The following SH3GL2 variants were observed in gnomAD, a reference collection of about 807,000 sequenced individuals.
SH3GL2 encodes SH3 domain containing GRB2 like 2, endophilin A1.
A neutral mutation model predicts 46.0 loss-of-function variants in SH3GL2; 24 were observed. That is an observed-to-expected ratio of 0.52 (90% CI 0.38 to 0.73). The LOEUF (loss-of-function observed/expected upper bound fraction) is 0.73. Ranked by LOEUF, SH3GL2 falls within the 30% of genes least tolerant of loss-of-function variation. SH3GL2 has a pLI of 0.00. For synonymous variants in SH3GL2, 196 were observed against 147.1 expected (o/e 1.33, Z -2.40); for missense variants, 413 against 424.2 (o/e 0.97, Z 0.23).
chr9:17,637,262 TTAAG>T (rs1339796976), intron 1 of SH3GL2, among the ~76,000 whole-genome samples: 16 of 152,294 alleles, frequency 1.1e-4, no homozygotes, highest in African/African-American at 3.8e-4. Flanking sequence ...ATGAAGCTTA[TTAAG>T]TGAGTAAAGG....
intron 1 of SH3GL2, among the ~76,000 whole-genome samples, chr9:17,613,463 A>G (rs1216562354): frequency 1.3e-5 from 2 of 152,198 alleles, no homozygotes; most frequent in Admixed American, 6.5e-5. Context: ...AAGAAATCAC[A>G]TATTGTCCCT....
chr9:17,619,689 A>AAAT (rs1355856422), intron 1 of SH3GL2, among the ~76,000 whole-genome samples: 102 of 149,022 alleles, frequency 6.8e-4, no homozygotes, highest in African/African-American at 2.4e-3. Flanking sequence ...AAAAAAAAAT[A>AAAT]AAATAAAATA....
intron 2 of SH3GL2, among the ~76,000 whole-genome samples, chr9:17,760,585 C>A (rs1156741569): frequency 6.6e-6 from 1 of 152,032 alleles, no homozygotes; most frequent in Non-Finnish European, 1.5e-5. Context: ...AAAATTTCTC[C>A]AGTGGACTTA....
chr9:17,766,397 G>T (rs1823319238), intron 3 of SH3GL2, among the ~76,000 whole-genome samples: 1 of 152,192 alleles, frequency 6.6e-6, no homozygotes, highest in African/African-American at 2.4e-5. Flanking sequence ...CCATTCTACT[G>T]GTTGTAAGTG....
chr9:17,582,331 G>T (rs1047309032), intron 1 of SH3GL2, among the ~76,000 whole-genome samples: 1 of 152,078 alleles, frequency 6.6e-6, no homozygotes, highest in Non-Finnish European at 1.5e-5. Flanking sequence ...TGCTCATAAA[G>T]ATATAATTTA....
chr9:17,646,412 CT>C (rs1381962829), intron 1 of SH3GL2, among the ~76,000 whole-genome samples: 1 of 152,014 alleles, frequency 6.6e-6, no homozygotes, highest in East Asian at 1.9e-4. Context: ...AGTTTTGCTC[CT>C]TTGCTGGCAA....
chr9:17,632,571 A>G (rs1819456452), intron 1 of SH3GL2, among the ~76,000 whole-genome samples: 1 of 152,122 alleles, frequency 6.6e-6, no homozygotes, highest in South Asian at 2.1e-4. Flanking sequence ...TAGGGAACAT[A>G]TTTTTGCCTA....
chr9:17,639,250 A>G (rs1049081220), intron 1 of SH3GL2, among the ~76,000 whole-genome samples: 6 of 152,258 alleles, frequency 3.9e-5, no homozygotes, highest in African/African-American at 1.2e-4. Flanking sequence ...TTTGGAAGAT[A>G]GATCTGGGGG....
chr9:17,757,754 G>A (rs1823041022), intron 2 of SH3GL2, among the ~76,000 whole-genome samples: 2 of 152,176 alleles, frequency 1.3e-5, no homozygotes, highest in Admixed American at 1.3e-4. Context: ...GAGCTTATGG[G>A]AATTGCTAGT....
chr9:17,767,926 A>C (rs993107698), intron 3 of SH3GL2, among the ~76,000 whole-genome samples: 1 of 152,190 alleles, frequency 6.6e-6, no homozygotes, highest in Non-Finnish European at 1.5e-5. Context: ...CTACTTCTAC[A>C]TCTTTGGGGA....
chr9:17,776,695 T>C (rs7044550), intron 3 of SH3GL2, among the ~76,000 whole-genome samples: 25,965 of 150,352 alleles, frequency 0.17, 2,550 homozygotes, highest in Middle Eastern at 0.26. Flanking sequence ...CCAAGAAGTA[T>C]GATAATACTT....
chr9:17,718,167 C>T (rs1821806413), intron 1 of SH3GL2, among the ~76,000 whole-genome samples: 1 of 152,076 alleles, frequency 6.6e-6, no homozygotes, highest in Non-Finnish European at 1.5e-5. Flanking sequence ...ATTTACCATA[C>T]AGAGAAATAG....
At chr9:17,671,489 TTAGA>T (rs1476325952) in intron 1 of SH3GL2, among the ~76,000 whole-genome samples, 1 of 152,136 alleles carries the variant, frequency 6.6e-6, no homozygotes, top group African/African-American at 2.4e-5. Context: ...AACAGTATAA[TTAGA>T]TTGATTGTAT....
At chr9:17,643,296 G>A (rs1410473386) in intron 1 of SH3GL2, among the ~76,000 whole-genome samples, 4 of 152,158 alleles carry the variant, frequency 2.6e-5, no homozygotes, top group Admixed American at 6.5e-5. Context: ...GGACTGAGAC[G>A]ATGGGGTTTT....
intron 1 of SH3GL2, among the ~76,000 whole-genome samples, chr9:17,677,424 T>A (rs1298277721): frequency 6.6e-6 from 1 of 152,098 alleles, no homozygotes; most frequent in Non-Finnish European, 1.5e-5. Flanking sequence ...ATGACAAGAT[T>A]TTAGCATTTT....
chr9:17,619,773 A>G, intron 1 of SH3GL2, among the ~76,000 whole-genome samples: 1 of 152,230 alleles, frequency 6.6e-6, no homozygotes, highest in Admixed American at 6.5e-5. Flanking sequence ...TTTTCACAAT[A>G]GAAAATTGAC....
intron 1 of SH3GL2, among the ~76,000 whole-genome samples, chr9:17,710,008 T>C (rs1588262574): frequency 6.6e-6 from 1 of 151,126 alleles, no homozygotes; most frequent in African/African-American, 2.4e-5. Context: ...GAGGAAGGAG[T>C]GGTCCTTATG....
intron 1 of SH3GL2, among the ~76,000 whole-genome samples, chr9:17,580,437 A>G (rs1740404477): frequency 1.3e-5 from 2 of 152,210 alleles, no homozygotes; most frequent in African/African-American, 2.4e-5. Context: ...AGGGTGACAG[A>G]TGCAGCATGT....
rs557888079 is a variant in SH3GL2 at position 17,701,794 on chromosome 9, C to T, written c.46-45272C>T. On this transcript the variant is annotated intron_variant, in intron 1 of 8. Coordinates refer to ENST00000380607, the MANE Select transcript of SH3GL2 (RefSeq NM_003026.5). ...TAAATATAACACATGTATGATTTTT[C>T]CTAGAAAAAGACATGAGAAACAGAA... Among the ~76,000 whole-genome samples, 14 of 151,964 alleles carry T rather than the reference C, an allele frequency of 9.2e-5. 1 individual carries two copies. The East Asian group carries it at 2.3e-3, about 25-fold the overall frequency.
Sources: allele counts gnomAD v4.1 joint callset (sites outside exome capture counted in the v4.1 genomes callset), GRCh38; gene constraint gnomAD v4.1.1; transcripts MANE v1.5; gene names NCBI Gene and HGNC (gene_info 2026-07-23, HGNC 2026-07-21).